The following KASH5 variants were observed in gnomAD, a reference collection of about 807,000 sequenced individuals.
KASH5 encodes the protein KASH domain containing 5.
Under a neutral mutation model 84.2 loss-of-function variants are expected in KASH5, and 72 were observed. The ratio of observed to expected loss-of-function variants is 0.85; its 90% CI spans 0.71 to 1.04. The LOEUF is 1.04. KASH5 is among the 50% of genes least tolerant of loss of function. The pLI, the probability that KASH5 is intolerant of heterozygous loss-of-function variation, is 0.00. For missense variants in KASH5, 650 were observed against 701.0 expected (o/e 0.93, Z 0.82); for synonymous variants, 260 against 279.1 (o/e 0.93, Z 0.68).
intron 2 of KASH5, chr19:49,391,778 G>T (rs114327860): frequency 6.6e-6 from 1 of 152,190 alleles, no homozygotes; most frequent in Non-Finnish European, 1.5e-5. Context: ...GTGAACGGAC[G>T]GATGTAGGTT....
At position 49,399,478 on chromosome 19, in the gene KASH5, G is replaced by C; in HGVS notation, c.769G>C (p.Val257Leu). Residue 257 changes from valine to leucine, a missense_variant, in exon 9 of 20, where the codon GTG becomes CTG. By Grantham distance (32) the Val-to-Leu change is conservative. Coordinates refer to ENST00000447857, the MANE Select transcript of KASH5 (RefSeq NM_144688.5). The surrounding 1 kb of genome is among the most constrained non-coding windows in gnomAD (Gnocchi z 4.4). ...TCAGGAAAAGGAGCAGCAGCATCTGGTGGCTGAGATGGAGACTCTGCAGGA... is the reference window on the plus strand; with the variant it reads ...TCAGGAAAAGGAGCAGCAGCATCTGCTGGCTGAGATGGAGACTCTGCAGGA... ...RQAEKEQQHL[V>L]AEMETLQEEN... 1 of 1,611,614 alleles carries C rather than the reference G, an allele frequency of 6.2e-7. No homozygotes were observed. Among genetic ancestry groups the C allele is most frequent in the Non-Finnish European group, 8.5e-7 (1 of 1,179,060 alleles).
rs369787316 is a variant in KASH5, at chr19:49,390,870, G to T, written c.-14G>T. 10 of 1,588,242 alleles carry T rather than the reference G, an allele frequency of 6.3e-6. No individual in the cohort carries two copies. Among genetic ancestry groups the T allele is most frequent in the African/African-American group, 4.1e-5 (3 of 73,116 alleles). On this transcript the variant is annotated 5_prime_UTR_variant, in exon 2 of 20. Coordinates refer to ENST00000447857, the MANE Select transcript of KASH5 (RefSeq NM_144688.5). ...GTAGCTTTGCCAGCAGCTGCGCCGC[G>T]GCAGGGGTGGCCCATGGACCTGCCC...
chr19:49,395,701 C>A lies in KASH5; in HGVS notation c.336-68C>A. On this transcript the variant is annotated intron_variant, in intron 4 of 19. Transcript: ENST00000447857. The surrounding 1 kb of genome is among the most constrained non-coding windows in gnomAD (Gnocchi z 4.4). ...TCCCCTCCTCCCACCTGCAATCCCC[C>A]TGCCTGTGGCTGGTGAGGACTGAGG... 1 of 1,483,202 alleles carries A rather than the reference C, an allele frequency of 6.7e-7. No individual in the cohort carries two copies. Among genetic ancestry groups the A allele is most frequent in the Non-Finnish European group, 9.2e-7 (1 of 1,087,762 alleles). The allele number at this position is 1,483,202 out of a possible 1,614,324, so 91.9% of individuals were successfully genotyped here. A position where few individuals can be genotyped will look rare whatever the true frequency, so the allele number is the denominator to read the frequency against.
chr19:49,414,967 G>A lies in KASH5; in HGVS notation c.1345G>A (p.Glu449Lys). The change falls in exon 17 of 20, where the codon GAA (glutamate) becomes AAA (lysine). Residue 449 changes from glutamate (E) to lysine (K), a missense_variant. Transcript: ENST00000447857. This position sits in a 1 kb window ranked among gnomAD's most constrained non-coding sequence, Gnocchi z 4.5. ...EPSMWLTRRE[E>K]EEDAESQVTA... ...GGCCCTCAGGTTGACCAGAAGAGAG[G>A]AAGAGGAGGATGCAGAGAGCCAGGT... 6.2e-7 allele frequency: 1 copy of A among 1,613,024 alleles called. No homozygotes were observed. The highest frequency in any genetic ancestry group is 2.2e-5 in the East Asian group (1 of 44,856).
In KASH5 at chr19:49,407,020, A is replaced by T. The variant is rs372832071; in HGVS notation, c.876+57A>T. The T allele has an allele frequency of 2.6e-6, 4 of 1,520,622 alleles. No homozygotes were observed. In the African/African-American group the frequency reaches 5.5e-5, roughly 21 times the overall value. 94.2% of individuals were successfully genotyped at this position (1,520,622 alleles called of 1,614,324 possible). On this transcript the variant is annotated intron_variant, in intron 10 of 19. Transcript: ENST00000447857. ...CCACCACCCCGGGGCCATTTTTCCC[A>T]TTTCCGGTTTTAGTGACTGCAGCCT...
chr19:49,409,288 G>C lies in KASH5; in HGVS notation c.1146+5G>C. ...GAGATCGAGGCCATTCGACAGGTGG[G>C]CCTAACACCCCTGGAATAAGCTGCA... On this transcript the variant is annotated splice_donor_5th_base_variant and intron_variant, in intron 14 of 19. Transcript: ENST00000447857. 1 of 1,613,064 alleles carries C rather than the reference G, an allele frequency of 6.2e-7. No individual in the cohort carries two copies.
chr19:49,400,367 TC>T (rs1436583014), intron 9 of KASH5, among the ~76,000 whole-genome samples: 98 of 122,342 alleles, frequency 8.0e-4, no homozygotes, highest in African/African-American at 1.6e-3. Context: ...TTTTTTTTTT[TC>T]TTTTTTTTTT....
Position 49,399,582 on chromosome 19 carries a change from C to G in KASH5, c.798+75C>G, listed in dbSNP as rs1974297068. The G allele has an allele frequency of 1.9e-6, 3 of 1,554,346 alleles. No individual in the cohort carries two copies. Among genetic ancestry groups the G allele is most frequent in the Non-Finnish European group, 2.6e-6 (3 of 1,148,502 alleles). On this transcript the variant is annotated intron_variant, in intron 9 of 19. Coordinates refer to ENST00000447857, the MANE Select transcript of KASH5 (RefSeq NM_144688.5). The surrounding 1 kb of genome is among the most constrained non-coding windows in gnomAD (Gnocchi z 4.4). ...CTTCTTGACACCACTCCCTTCTGCC[C>G]CCAACACCCCAGCAGCCTGTCTTGG...
At position 49,390,805 on chromosome 19, in the gene KASH5, T is replaced by G; in HGVS notation, c.-79T>G. 1 of 1,482,700 alleles carries G rather than the reference T, an allele frequency of 6.7e-7. No homozygotes were observed. The highest frequency in any genetic ancestry group is 2.3e-5 in the Admixed American group (1 of 43,148). The allele number at this position is 1,482,700 out of a possible 1,614,324, so 91.8% of individuals were successfully genotyped here. A position where few individuals can be genotyped will look rare whatever the true frequency, so the allele number is the denominator to read the frequency against. On this transcript the variant is annotated 5_prime_UTR_variant, in exon 2 of 20. Transcript: ENST00000447857. ...TCCTTCCAGGAGTGCTCGGGCCAGC[T>G]GGTCCTTTTCCCATCCCTCCCCATG...
At chr19:49,390,976 T>C (rs775423236) in intron 2 of KASH5, 50 bp downstream of exon 2, 2 of 1,581,934 alleles carry the variant, frequency 1.3e-6, no homozygotes, top group Admixed American at 3.5e-5. Flanking sequence ...GAGGGAGCCA[T>C]GGGTGAATGG....
chr19:49,401,438 G>A (rs1974357584), intron 9 of KASH5, among the ~76,000 whole-genome samples: 1 of 152,192 alleles, frequency 6.6e-6, no homozygotes. Flanking sequence ...ACAGACTGGA[G>A]GACACAGGGC....
At position 49,412,511 on chromosome 19, in the gene KASH5, A is replaced by G. The variant is rs1196851117; in HGVS notation, c.1270-457A>G. On this transcript the variant is annotated intron_variant, in intron 15 of 19. Transcript: ENST00000447857. This position sits in a 1 kb window ranked among gnomAD's most constrained non-coding sequence, Gnocchi z 4.6. Reference sequence around the variant, plus strand: ...AAGTTGGTTGCTGAGGTCAAGGGCAATGCCAATATGTCTCTGGAGAAACCG... The same window carrying G: ...AAGTTGGTTGCTGAGGTCAAGGGCAGTGCCAATATGTCTCTGGAGAAACCG... 2.0e-5 allele frequency among the ~76,000 whole-genome samples: 3 copies of G among 152,166 alleles called. No individual in the cohort carries two copies. Among genetic ancestry groups the G allele is most frequent in the Non-Finnish European group, 4.4e-5 (3 of 68,036 alleles).
chr19:49,397,235 G>C (rs551622029), intron 5 of KASH5, among the ~76,000 whole-genome samples: 1 of 152,200 alleles, frequency 6.6e-6, no homozygotes, highest in Non-Finnish European at 1.5e-5. Context: ...GATCCAAGAG[G>C]AGAAAGCAAG....
chr19:49,390,882 C>T lies in KASH5; in HGVS notation c.-2C>T, dbSNP rs780507675. On this transcript the variant is annotated 5_prime_UTR_variant, in exon 2 of 20. Coordinates refer to ENST00000447857, the MANE Select transcript of KASH5 (RefSeq NM_144688.5). ...GCAGCTGCGCCGCGGCAGGGGTGGCCCATGGACCTGCCCGAGGGCCCGGTG... is the reference window on the plus strand; with the variant it reads ...GCAGCTGCGCCGCGGCAGGGGTGGCTCATGGACCTGCCCGAGGGCCCGGTG... 11 of 1,598,240 alleles carry T rather than the reference C, an allele frequency of 6.9e-6. No individual in the cohort carries two copies. The Admixed American group carries it at 1.2e-4, about 18-fold the overall frequency.
intron 9 of KASH5, among the ~76,000 whole-genome samples, chr19:49,400,337 C>A (rs2122145516): frequency 6.7e-6 from 1 of 149,342 alleles, no homozygotes; most frequent in East Asian, 1.9e-4. Flanking sequence ...CCTTCTCAAG[C>A]CTTTACTTTT....
intron 14 of KASH5, among the ~76,000 whole-genome samples, 182 bp downstream of exon 14, chr19:49,409,465 A>T: frequency 6.6e-6 from 1 of 151,884 alleles, no homozygotes; most frequent in East Asian, 1.9e-4. Flanking sequence ...CCACTGCCAG[A>T]CCCAGGCCTG....
In KASH5 at chr19:49,417,542, A is replaced by G; in HGVS notation, c.*32A>G. 6.7e-7 allele frequency: 1 copy of G among 1,491,568 alleles called. No homozygotes were observed. The highest frequency in any genetic ancestry group is 9.0e-7 in the Non-Finnish European group (1 of 1,115,524). 92.4% of individuals were successfully genotyped at this position (1,491,568 alleles called of 1,614,324 possible). On this transcript the variant is annotated 3_prime_UTR_variant, in exon 20 of 20. Coordinates refer to ENST00000447857, the MANE Select transcript of KASH5 (RefSeq NM_144688.5). This position sits in a 1 kb window ranked among gnomAD's most constrained non-coding sequence, Gnocchi z 5.2. ...CTACTTGCCCCTCAGAGCAGTGTCT[A>G]GCTCAATAAATCCCCTGGCCCTCTC...
intron 1 of KASH5, among the ~76,000 whole-genome samples, chr19:49,389,128 A>AGT (rs1973912824): frequency 9.6e-6 from 1 of 103,944 alleles, no homozygotes. Flanking sequence ...AAATCCAGAG[A>AGT]CCCCCGCATA....
Position 49,409,786 on chromosome 19 carries a change from C to G in KASH5, c.1180C>G (p.Pro394Ala). ...AGTGGCAACTGCTGATCTCTCCAAC[C>G]CTCTGTGTGGGGTGTGGCAGTGGGA... The part of the protein sequence containing the change: ...QEVATADLSN[P>A]LCGVWQWEEV... The change falls in exon 15 of 20, where the codon CCT becomes GCT. Residue 394 changes from proline (P) to alanine (A), a missense_variant. Physicochemically the swap from Pro to Ala is conservative, Grantham distance 27. Coordinates refer to ENST00000447857, the MANE Select transcript of KASH5 (RefSeq NM_144688.5). 6.2e-7 allele frequency: 1 copy of G among 1,613,972 alleles called. No individual in the cohort carries two copies. Among genetic ancestry groups the G allele is most frequent in the Non-Finnish European group, 8.5e-7 (1 of 1,179,858 alleles).
Sources: allele counts gnomAD v4.1 joint callset (sites outside exome capture counted in the v4.1 genomes callset), GRCh38; gene constraint gnomAD v4.1.1; non-coding constraint Gnocchi (gnomAD v3.1); transcripts MANE v1.5; gene names NCBI Gene and HGNC (gene_info 2026-07-23, HGNC 2026-07-21).